Variants in CNTN5 observed in about 807,000 individuals in gnomAD.
CNTN5 encodes the protein contactin 5.
Under a neutral mutation model 129.1 loss-of-function variants are expected in CNTN5, and 77 were observed. The observed-to-expected ratio is 0.60, with a 90% CI of 0.50 to 0.72. The LOEUF (loss-of-function observed/expected upper bound fraction) is 0.72, where lower values mean the gene tolerates loss of function less well. Ranked by LOEUF, CNTN5 falls within the 30% of genes least tolerant of loss-of-function variation. The pLI is 0.00. For synonymous variants in CNTN5, 509 were observed against 465.6 expected, an observed-to-expected ratio of 1.09 and a Z score of -1.20; for missense variants, 1,478 against 1,328.8, an observed-to-expected ratio of 1.11 and a Z score of -1.75.
At chr11:99,917,946 A>C (rs1474703408) in intron 7 of CNTN5, among the ~76,000 whole-genome samples, 4 of 152,152 alleles carry the variant, frequency 2.6e-5, no homozygotes, top group Non-Finnish European at 5.9e-5. Flanking sequence ...ATCCGAACTC[A>C]TCTGCTTGAC....
chr11:99,254,089 A>G (rs768219387), intron 1 of CNTN5, among the ~76,000 whole-genome samples: 3 of 151,764 alleles, frequency 2.0e-5, no homozygotes, highest in Non-Finnish European at 4.4e-5. Context: ...GTGGCATTCT[A>G]AGTTTCAAAT....
At chr11:99,651,988 G>A (rs1278408948) in intron 3 of CNTN5, among the ~76,000 whole-genome samples, 1 of 152,028 alleles carries the variant, frequency 6.6e-6, no homozygotes, top group Non-Finnish European at 1.5e-5. Flanking sequence ...AAACTTGGCA[G>A]CACAAACACC....
At chr11:99,179,979 C>A (rs1857969948) in intron 1 of CNTN5, among the ~76,000 whole-genome samples, 1 of 152,098 alleles carries the variant, frequency 6.6e-6, no homozygotes, top group Non-Finnish European at 1.5e-5. Flanking sequence ...CTCTCTATAT[C>A]TCCCTGAACA....
At chr11:99,582,490 C>T (rs1354336976) in intron 3 of CNTN5, among the ~76,000 whole-genome samples, 4 of 152,226 alleles carry the variant, frequency 2.6e-5, no homozygotes, top group Non-Finnish European at 5.9e-5. Context: ...TGTCTTTTCA[C>T]ATAGTGCCAT....
intron 7 of CNTN5, among the ~76,000 whole-genome samples, chr11:99,922,167 G>A (rs183498927): frequency 3.0e-4 from 46 of 152,256 alleles, no homozygotes; most frequent in East Asian, 2.5e-3. Flanking sequence ...GCAAAGGTGC[G>A]TCTTACGTGG....
At chr11:99,455,880 T>C (rs1944478957) in intron 2 of CNTN5, among the ~76,000 whole-genome samples, 1 of 152,178 alleles carries the variant, frequency 6.6e-6, no homozygotes, top group Admixed American at 6.6e-5. Flanking sequence ...GTGATCTTTA[T>C]TCGTTAGTCC....
At chr11:99,340,092 G>A (rs753653590) in intron 2 of CNTN5, among the ~76,000 whole-genome samples, 1 of 152,106 alleles carries the variant, frequency 6.6e-6, no homozygotes, top group African/African-American at 2.4e-5. Context: ...CATAAAGGAC[G>A]ATCCCAGTAT....
chr11:99,413,306 T>C (rs898262500), intron 2 of CNTN5, among the ~76,000 whole-genome samples: 7 of 152,144 alleles, frequency 4.6e-5, no homozygotes, highest in African/African-American at 1.4e-4. Context: ...CAACTAACAG[T>C]GTGACAAGTT....
Position 99,997,258 on chromosome 11 carries a change from G to A in CNTN5, c.878-4776G>A, listed in dbSNP as rs374447620. Reference sequence around the variant, plus strand: ...TTCCTTCAGTCCTGCTCTGATTTTAGTTATATCTTGCCTTCTGCTAGCTTT... The same window carrying A: ...TTCCTTCAGTCCTGCTCTGATTTTAATTATATCTTGCCTTCTGCTAGCTTT... On this transcript the variant is annotated intron_variant, in intron 8 of 24. Transcript: ENST00000524871. 1.8e-4 allele frequency among the ~76,000 whole-genome samples: 27 copies of A among 152,126 alleles called. No individual in the cohort carries two copies. In the East Asian group the frequency reaches 4.6e-3, roughly 26 times the overall value.
At chr11:99,754,167 T>C (rs377547931) in intron 3 of CNTN5, among the ~76,000 whole-genome samples, 67 of 152,314 alleles carry the variant, frequency 4.4e-4, no homozygotes, top group African/African-American at 1.5e-3. Context: ...TGTATCTTCA[T>C]TGATGATTGT....
At chr11:99,027,926 A>G (rs1565257531) in intron 1 of CNTN5, among the ~76,000 whole-genome samples, 1 of 151,710 alleles carries the variant, frequency 6.6e-6, no homozygotes, top group South Asian at 2.1e-4. Context: ...AAAGGTTAAT[A>G]TTTTATCTGA....
chr11:99,281,208 C>A (rs1353440148), intron 1 of CNTN5, among the ~76,000 whole-genome samples: 1 of 151,838 alleles, frequency 6.6e-6, no homozygotes, highest in Non-Finnish European at 1.5e-5. Flanking sequence ...ATAGAATGAT[C>A]AGAGTTTTTA....
intron 4 of CNTN5, among the ~76,000 whole-genome samples, chr11:99,833,647 G>A (rs1947215558): frequency 6.6e-6 from 1 of 152,084 alleles, no homozygotes; most frequent in South Asian, 2.1e-4. Context: ...CGTTTGTTGA[G>A]GTGCAATCTT....
At chr11:99,178,029 C>T (rs1187175467) in intron 1 of CNTN5, among the ~76,000 whole-genome samples, 1 of 152,018 alleles carries the variant, frequency 6.6e-6, no homozygotes, top group Non-Finnish European at 1.5e-5. Context: ...CTTGAAGTCC[C>T]TGCTATGTTG....
chr11:100,015,430 C>A (rs1005806107), intron 9 of CNTN5, among the ~76,000 whole-genome samples: 6 of 152,128 alleles, frequency 3.9e-5, no homozygotes, highest in Non-Finnish European at 7.4e-5. Flanking sequence ...GTGGCCCATT[C>A]ATGTAAGAAA....
chr11:100,187,894 A>T (rs991096170), intron 13 of CNTN5, among the ~76,000 whole-genome samples: 1 of 152,196 alleles, frequency 6.6e-6, no homozygotes, highest in Non-Finnish European at 1.5e-5. Context: ...TTTGTGACTA[A>T]GTCCTCAAAA....
intron 13 of CNTN5, among the ~76,000 whole-genome samples, chr11:100,169,901 C>T (rs531032118): frequency 6.6e-6 from 1 of 152,048 alleles, no homozygotes; most frequent in South Asian, 2.1e-4. Flanking sequence ...AAAACTTATT[C>T]TAGTCTCATG....
chr11:100,002,917 G>T (rs555049423), intron 9 of CNTN5, among the ~76,000 whole-genome samples: 1 of 151,842 alleles, frequency 6.6e-6, no homozygotes, highest in African/African-American at 2.4e-5. Context: ...ATGTATCTCT[G>T]TCAGAGTTAC....
At chr11:99,459,653 A>C (rs1248254022) in intron 2 of CNTN5, among the ~76,000 whole-genome samples, 1 of 152,156 alleles carries the variant, frequency 6.6e-6, no homozygotes, top group Non-Finnish European at 1.5e-5. Flanking sequence ...TATTTTAATT[A>C]TGTGCTGGTC....
Sources: allele counts gnomAD v4.1 joint callset (sites outside exome capture counted in the v4.1 genomes callset), GRCh38; gene constraint gnomAD v4.1.1; transcripts MANE v1.5; gene names NCBI Gene and HGNC (gene_info 2026-07-23, HGNC 2026-07-21).